The following SPOCK3 variants were observed in gnomAD, a reference collection of about 807,000 sequenced individuals.
The protein encoded by SPOCK3 is SPARC (osteonectin), cwcv and kazal like domains proteoglycan 3, also known as testican-3.
Under a neutral mutation model 56.6 loss-of-function variants are expected in SPOCK3, and 30 were observed. The observed-to-expected ratio is 0.53, with a 90% CI of 0.40 to 0.72. The LOEUF (loss-of-function observed/expected upper bound fraction) is 0.72, where lower values mean the gene tolerates loss of function less well. Among genes scored for constraint, SPOCK3 ranks in the 30% least tolerant of loss-of-function variants. The pLI is 0.00. For synonymous variants in SPOCK3, 196 were observed against 183.3 expected (o/e 1.07, Z -0.56); for missense variants, 527 against 530.0 (o/e 0.99, Z 0.06).
intron 3 of SPOCK3, among the ~76,000 whole-genome samples, chr4:167,008,529 A>G (rs1164617643): frequency 6.6e-6 from 1 of 152,132 alleles, no homozygotes; most frequent in Non-Finnish European, 1.5e-5. Context: ...TTCTTCAAAA[A>G]TGAATTCTCA....
chr4:166,924,214 A>C (rs1738818101), intron 4 of SPOCK3, among the ~76,000 whole-genome samples: 1 of 152,164 alleles, frequency 6.6e-6, no homozygotes, highest in African/African-American at 2.4e-5. Flanking sequence ...GGAACATCAC[A>C]AAATATTTAA....
At chr4:167,183,699 C>T (rs1375898766) in intron 2 of SPOCK3, among the ~76,000 whole-genome samples, 2 of 152,042 alleles carry the variant, frequency 1.3e-5, no homozygotes, top group African/African-American at 4.8e-5. Context: ...GAAACAAATT[C>T]CCGGAATAAT....
intron 6 of SPOCK3, among the ~76,000 whole-genome samples, chr4:166,885,255 G>T (rs1217956741): frequency 6.7e-6 from 1 of 149,386 alleles, no homozygotes. Context: ...CTGGGACTTG[G>T]TTGCCTTATT....
At chr4:166,887,889 G>C (rs1339160066) in intron 6 of SPOCK3, among the ~76,000 whole-genome samples, 2 of 149,846 alleles carry the variant, frequency 1.3e-5, no homozygotes, top group African/African-American at 4.9e-5. Flanking sequence ...GAGAGCTCCT[G>C]AAAGGCAGCG....
intron 6 of SPOCK3, among the ~76,000 whole-genome samples, chr4:166,805,900 T>C (rs1481493139): frequency 6.6e-6 from 1 of 152,118 alleles, no homozygotes; most frequent in African/African-American, 2.4e-5. Context: ...ATTTAAATAG[T>C]TTAGCCAGTT....
At chr4:167,198,764 T>C (rs1733215135) in intron 2 of SPOCK3, among the ~76,000 whole-genome samples, 1 of 152,104 alleles carries the variant, frequency 6.6e-6, no homozygotes, top group African/African-American at 2.4e-5. Flanking sequence ...TTCAGCTCAC[T>C]CAAGGGCAGA....
chr4:167,195,836 T>C (rs1422151331), intron 2 of SPOCK3, among the ~76,000 whole-genome samples: 2 of 152,158 alleles, frequency 1.3e-5, no homozygotes, highest in African/African-American at 2.4e-5. Context: ...AGAGACACGC[T>C]GGGGTGTCAC....
At chr4:167,073,505 T>C (rs1756893152) in intron 2 of SPOCK3, among the ~76,000 whole-genome samples, 1 of 151,826 alleles carries the variant, frequency 6.6e-6, no homozygotes, top group Non-Finnish European at 1.5e-5. Flanking sequence ...TCCCCTCTAG[T>C]AGCAAAAATA....
At chr4:166,890,636 A>T (rs1448560860) in intron 5 of SPOCK3, among the ~76,000 whole-genome samples, 2 of 152,010 alleles carry the variant, frequency 1.3e-5, no homozygotes, top group East Asian at 3.9e-4. Flanking sequence ...ATAATATTTT[A>T]TAACTGTATA....
chr4:167,215,196 T>TA (rs1735240430), intron 2 of SPOCK3, among the ~76,000 whole-genome samples: 1 of 152,092 alleles, frequency 6.6e-6, no homozygotes, highest in Non-Finnish European at 1.5e-5. Flanking sequence ...TATCAACTAA[T>TA]AATATTAACC....
intron 6 of SPOCK3, among the ~76,000 whole-genome samples, chr4:166,839,392 C>G (rs979162407): frequency 6.6e-6 from 1 of 152,146 alleles, no homozygotes; most frequent in Admixed American, 6.5e-5. Flanking sequence ...CTCATTACCA[C>G]TGGGTGGTAG....
chr4:167,148,144 C>T lies in SPOCK3; in HGVS notation c.190-85607G>A, dbSNP rs117730763. Among the ~76,000 whole-genome samples the T allele has an allele frequency of 1.4e-4, 21 of 152,132 alleles. No individual in the cohort carries two copies. In the East Asian group the frequency reaches 2.9e-3, roughly 21 times the overall value. On this transcript the variant is annotated intron_variant, in intron 2 of 10. Coordinates refer to ENST00000357545, the MANE Select transcript of SPOCK3 (RefSeq NM_001040159.2). ...CACTCTCAACAGTGTTCTTGAGAAC[C>T]GGTGAATTTGTCTTCCAGGGGATCT...
At chr4:166,881,646 A>G (rs1398280254) in intron 6 of SPOCK3, among the ~76,000 whole-genome samples, 3 of 152,206 alleles carry the variant, frequency 2.0e-5, no homozygotes, top group Non-Finnish European at 4.4e-5. Flanking sequence ...ATACTGCCTT[A>G]ACTTTGCTTT....
intron 3 of SPOCK3, among the ~76,000 whole-genome samples, chr4:167,034,250 A>T (rs987760689): frequency 4.6e-5 from 7 of 151,948 alleles, no homozygotes; most frequent in African/African-American, 1.7e-4. Flanking sequence ...TCTTGTGCAA[A>T]AAAGGCATTC....
intron 7 of SPOCK3, among the ~76,000 whole-genome samples, chr4:166,766,294 T>C (rs1012853965): frequency 1.3e-5 from 2 of 152,210 alleles, no homozygotes; most frequent in Non-Finnish European, 2.9e-5. Context: ...TTCCAGTTTA[T>C]GTCCATTCAG....
intron 2 of SPOCK3, among the ~76,000 whole-genome samples, chr4:167,183,499 A>G (rs1731676973): frequency 6.6e-6 from 1 of 152,344 alleles, no homozygotes; most frequent in South Asian, 2.1e-4. Flanking sequence ...TTTCTAATGA[A>G]TTATCTTCTT....
intron 2 of SPOCK3, among the ~76,000 whole-genome samples, chr4:167,063,753 T>C (rs1755835487): frequency 6.6e-6 from 1 of 151,888 alleles, no homozygotes; most frequent in African/African-American, 2.4e-5. Flanking sequence ...TAGCTCCTAC[T>C]TACAAGTGAG....
rs538041137 is a variant in SPOCK3, at chr4:166,852,041, G to A, written c.589+37089C>T. Among the ~76,000 whole-genome samples, 377 of 149,956 alleles carry A rather than the reference G, an allele frequency of 2.5e-3. 3 individuals are homozygous for A. Among genetic ancestry groups the A allele is most frequent in the African/African-American group, 8.5e-3 (347 of 40,766 alleles). ...AAATCATCATTCTCAGTAAACTATC[G>A]CAAGAACAAAAAACCAAACACCGCA... On this transcript the variant is annotated intron_variant, in intron 6 of 10. Transcript: ENST00000357545.
chr4:166,796,923 A>G (rs940106446), intron 6 of SPOCK3, among the ~76,000 whole-genome samples: 4 of 152,190 alleles, frequency 2.6e-5, no homozygotes, highest in Admixed American at 6.5e-5. Context: ...TTCTTTCAAG[A>G]TATGTCCATT....
Sources: gnomAD v4.1 joint callset for allele counts (sites outside exome capture counted in the v4.1 genomes callset) on GRCh38, gnomAD v4.1.1 for gene constraint, MANE v1.5 for transcripts, NCBI Gene and HGNC (gene_info 2026-07-23, HGNC 2026-07-21) for gene names.